KLHL29: variants seen among roughly 807,000 people sequenced by gnomAD.
KLHL29 encodes the protein kelch-like protein 29.
A neutral mutation model predicts 80.4 loss-of-function variants in KLHL29; 21 were observed. That is an observed-to-expected ratio of 0.26 (90% CI 0.19 to 0.38). The LOEUF is 0.38. KLHL29 is among the 10% of genes least tolerant of loss of function. The probability of loss-of-function intolerance (pLI) is 1.00; values close to 1 mark genes in which losing one functional copy is unlikely to be tolerated. For missense variants in KLHL29, 867 were observed against 1,223.9 expected (o/e 0.71, Z 4.35); for synonymous variants, 511 against 526.8 (o/e 0.97, Z 0.41).
intron 1 of KLHL29, among the ~76,000 whole-genome samples, chr2:23,418,863 C>G (rs1424220000): frequency 6.6e-6 from 1 of 152,164 alleles, no homozygotes; most frequent in Non-Finnish European, 1.5e-5. Context: ...CTTCGTCAAT[C>G]CTGATCCCCC....
intron 3 of KLHL29, among the ~76,000 whole-genome samples, chr2:23,605,943 T>C (rs1668710441): frequency 1.3e-5 from 2 of 152,010 alleles, no homozygotes; most frequent in Non-Finnish European, 2.9e-5. Flanking sequence ...CTAATTTTTG[T>C]ATTTTTGGTA....
chr2:23,518,827 C>T (rs979369463), intron 2 of KLHL29, among the ~76,000 whole-genome samples: 1 of 152,352 alleles, frequency 6.6e-6, no homozygotes, highest in Middle Eastern at 3.4e-3. Context: ...TTTCTCCTAT[C>T]CCCATATCAT....
At position 23,684,645 on chromosome 2, in the gene KLHL29, C is replaced by A; in HGVS notation, c.1079+108C>A. 1 of 964,396 alleles carries A rather than the reference C, an allele frequency of 1.0e-6. No individual in the cohort carries two copies. The highest frequency in any genetic ancestry group is 1.5e-6 in the Non-Finnish European group (1 of 676,032). The allele number at this position is 964,396 out of a possible 1,614,324, so 59.7% of individuals were successfully genotyped here. ...GTTCCTGAAGCGTGACTCCCTGTCA[C>A]AGAGCCAGTAGCCATCTCTCCTCCT... On this transcript the variant is annotated intron_variant, in intron 6 of 13. Transcript: ENST00000486442. This position sits in a 1 kb window ranked among gnomAD's most constrained non-coding sequence, Gnocchi z 4.4.
At chr2:23,419,946 A>G (rs1271598813) in intron 1 of KLHL29, among the ~76,000 whole-genome samples, 2 of 152,150 alleles carry the variant, frequency 1.3e-5, no homozygotes, top group African/African-American at 2.4e-5. Flanking sequence ...CTCCCCACTG[A>G]GCCACAGAGG....
At chr2:23,413,862 C>T (rs1390307418) in intron 1 of KLHL29, among the ~76,000 whole-genome samples, 3 of 152,170 alleles carry the variant, frequency 2.0e-5, no homozygotes, top group Admixed American at 1.3e-4. Context: ...GTGGGAGGCC[C>T]GTGCACCCTG....
intron 2 of KLHL29, among the ~76,000 whole-genome samples, chr2:23,486,338 C>T (rs1011369135): frequency 2.6e-5 from 4 of 151,978 alleles, no homozygotes; most frequent in African/African-American, 9.7e-5. Context: ...GATGAATGGG[C>T]CATCCGAGAT....
At chr2:23,465,167 GT>G (rs1664313788) in intron 1 of KLHL29, among the ~76,000 whole-genome samples, 1 of 152,208 alleles carries the variant, frequency 6.6e-6, no homozygotes, top group Non-Finnish European at 1.5e-5. Flanking sequence ...GGCAGGCAGG[GT>G]ATGGCCCCCT....
intron 3 of KLHL29, among the ~76,000 whole-genome samples, chr2:23,565,617 C>T (rs1667571780): frequency 6.6e-6 from 1 of 152,086 alleles, no homozygotes; most frequent in African/African-American, 2.4e-5. Context: ...GGCGCCCTTT[C>T]CTCTAGGGAA....
At chr2:23,603,875 C>A (rs1162783686) in intron 3 of KLHL29, among the ~76,000 whole-genome samples, 3 of 152,336 alleles carry the variant, frequency 2.0e-5, no homozygotes, top group African/African-American at 7.2e-5. Flanking sequence ...TACGGGGTCC[C>A]CACTGGCCAC....
chr2:23,543,809 G>A (rs1666911865), intron 2 of KLHL29, among the ~76,000 whole-genome samples: 1 of 152,100 alleles, frequency 6.6e-6, no homozygotes, highest in African/African-American at 2.4e-5. Flanking sequence ...TACGCTCCTG[G>A]GGGAGAGCTG....
At chr2:23,507,005 GT>G (rs1665617437) in intron 2 of KLHL29, 1 of 318,996 alleles carries the variant, frequency 3.1e-6, no homozygotes. Context: ...AGCCTTTAGA[GT>G]CTTTTTATAG....
In KLHL29 at chr2:23,703,316, G is replaced by C. The variant is rs1358727996; in HGVS notation, c.2236G>C (p.Gly746Arg). The C allele has an allele frequency of 1.3e-6, 2 of 1,546,724 alleles. No individual in the cohort carries two copies. The highest frequency in any genetic ancestry group is 1.7e-6 in the Non-Finnish European group (2 of 1,145,092). Residue 746 changes from glycine (G) to arginine (R), a missense_variant, in exon 12 of 14, where the codon GGC (glycine) becomes CGC (arginine). Transcript: ENST00000486442. ...GGVNEAGRAA[G>R]VLQSYVPQTN... ...GGTGAACGAGGCAGGCCGAGCTGCCGGCGTCCTCCAGTCTTACGTTCCTCA... is the reference window on the plus strand; with the variant it reads ...GGTGAACGAGGCAGGCCGAGCTGCCCGCGTCCTCCAGTCTTACGTTCCTCA...
chr2:23,696,525 A>G lies in KLHL29; in HGVS notation c.2105+12A>G. 1 of 1,510,126 alleles carries G rather than the reference A, an allele frequency of 6.6e-7. No homozygotes were observed. The highest frequency in any genetic ancestry group is 8.9e-7 in the Non-Finnish European group (1 of 1,126,910). 93.5% of individuals were successfully genotyped at this position (1,510,126 alleles called of 1,614,324 possible). A position where few individuals can be genotyped will look rare whatever the true frequency, so the allele number is the denominator to read the frequency against. On this transcript the variant is annotated intron_variant, in intron 11 of 13. Transcript: ENST00000486442. The surrounding 1 kb of genome is among the most constrained non-coding windows in gnomAD (Gnocchi z 5.5). ...GACCACGTGGAGAGGTAATGAGGCC[A>G]CGGTCAGGACAGGGGCATGCTCTTT...
chr2:23,433,845 A>G (rs1037736920), intron 1 of KLHL29, among the ~76,000 whole-genome samples: 1 of 152,146 alleles, frequency 6.6e-6, no homozygotes, highest in Non-Finnish European at 1.5e-5. Context: ...CCTGAGCTCA[A>G]GAGTTTGAGG....
chr2:23,615,283 C>T (rs747768700), intron 3 of KLHL29, among the ~76,000 whole-genome samples: 65 of 152,216 alleles, frequency 4.3e-4, no homozygotes, highest in Non-Finnish European at 8.1e-4. Flanking sequence ...GCAACCTCCT[C>T]CTAGAGCCTC....
chr2:23,583,417 C>T (rs905525954), intron 3 of KLHL29, among the ~76,000 whole-genome samples: 6 of 152,252 alleles, frequency 3.9e-5, no homozygotes, highest in Admixed American at 3.3e-4. Context: ...AACACCATCA[C>T]ACCTTCTTCC....
chr2:23,520,763 A>G (rs370814384), intron 2 of KLHL29, among the ~76,000 whole-genome samples: 1 of 152,360 alleles, frequency 6.6e-6, no homozygotes, highest in East Asian at 1.9e-4. Context: ...TTCTTAGTAC[A>G]ACACAAATCT....
Position 23,687,228 on chromosome 2 carries a change from G to A in KLHL29, c.1079+2691G>A, listed in dbSNP as rs539807176. On this transcript the variant is annotated intron_variant, in intron 6 of 13. Coordinates refer to ENST00000486442, the MANE Select transcript of KLHL29 (RefSeq NM_052920.2). ...CTCTGTCCTGGTGTAGACCTCCGTG[G>A]GGATCAACATTGGCCCTCCCTGGGT... Among the ~76,000 whole-genome samples the A allele has an allele frequency of 2.0e-4, 31 of 151,888 alleles. No homozygotes were observed. The East Asian group carries it at 6.1e-3, about 30-fold the overall frequency.
chr2:23,616,365 G>T (rs1231256540), intron 3 of KLHL29: 1 of 152,126 alleles, frequency 6.6e-6, no homozygotes, highest in Non-Finnish European at 1.5e-5. Context: ...TAAATTGGGG[G>T]AGCCAGGGAA....
Sources: gnomAD v4.1 joint callset for allele counts (sites outside exome capture counted in the v4.1 genomes callset) on GRCh38, gnomAD v4.1.1 for gene constraint, Gnocchi (gnomAD v3.1) non-coding constraint, MANE v1.5 for transcripts, NCBI Gene and HGNC (gene_info 2026-07-23, HGNC 2026-07-21) for gene names.